UBE3B: variants seen among roughly 807,000 people sequenced by gnomAD.
The protein encoded by UBE3B is ubiquitin-protein ligase E3B.
Under a neutral mutation model 132.3 loss-of-function variants are expected in UBE3B, and 80 were observed. That is an observed-to-expected ratio of 0.60 (90% CI 0.50 to 0.73). The LOEUF (loss-of-function observed/expected upper bound fraction) is 0.73, where lower values mean the gene tolerates loss of function less well. Among genes scored for constraint, UBE3B ranks in the 30% least tolerant of loss-of-function variants. UBE3B has a pLI of 0.00. For missense variants in UBE3B, 1,196 were observed against 1,362.5 expected, an observed-to-expected ratio of 0.88 and a Z score of 1.92; for synonymous variants, 487 against 520.4, an observed-to-expected ratio of 0.94 and a Z score of 0.87.
At chr12:109,511,541 C>T (rs1433070177) in intron 18 of UBE3B, among the ~76,000 whole-genome samples, 1 of 152,020 alleles carries the variant, frequency 6.6e-6, no homozygotes, top group Non-Finnish European at 1.5e-5. Flanking sequence ...GGAGACCTGA[C>T]CAGCTGGAGG....
At chr12:109,516,060 T>C (rs1457695641) in intron 18 of UBE3B, among the ~76,000 whole-genome samples, 1 of 152,150 alleles carries the variant, frequency 6.6e-6, no homozygotes. Context: ...TGATTTCCCT[T>C]AAAGCAGGCA....
At position 109,534,754 on chromosome 12, in the gene UBE3B, G is replaced by C; in HGVS notation, c.3179G>C (p.Ser1060Thr). Residue 1060 changes from serine to threonine, a missense_variant, in exon 28 of 28, where the codon AGC becomes ACC. Ser to Thr is a moderately conservative substitution (Grantham distance 58). Coordinates refer to ENST00000342494, the MANE Select transcript of UBE3B (RefSeq NM_130466.4). The surrounding 1 kb of genome is among the most constrained non-coding windows in gnomAD (Gnocchi z 5.2). ...VLREKLRYAISMNTGFELS is the reference protein window; with the variant it reads ...VLREKLRYAITMNTGFELS Reference sequence around the variant, plus strand: ...CGCGAGAAGCTGCGCTACGCCATCAGCATGAACACGGGCTTTGAACTCTCC... The same window carrying C: ...CGCGAGAAGCTGCGCTACGCCATCACCATGAACACGGGCTTTGAACTCTCC... 1 of 1,575,158 alleles carries C rather than the reference G, an allele frequency of 6.3e-7. No homozygotes were observed. The highest frequency in any genetic ancestry group is 2.3e-5 in the East Asian group (1 of 43,666).
Position 109,523,971 on chromosome 12 carries a change from C to T in UBE3B, c.2365-7C>T. The stretch of plus-strand genomic sequence containing the variant: ...TGATGGACAGCTCTGCTTCTCTGCT[C>T]TCCCAGGGAATTGTGGTGGACGTGC... On this transcript the variant is annotated splice_polypyrimidine_tract_variant and splice_region_variant and intron_variant, in intron 21 of 27. Transcript: ENST00000342494. 6.2e-7 allele frequency: 1 copy of T among 1,613,762 alleles called. No homozygotes were observed. Among genetic ancestry groups the T allele is most frequent in the Non-Finnish European group, 8.5e-7 (1 of 1,179,998 alleles).
chr12:109,505,258 A>G (rs994635022), intron 14 of UBE3B, among the ~76,000 whole-genome samples: 10 of 152,340 alleles, frequency 6.6e-5, no homozygotes, highest in African/African-American at 2.4e-4. Context: ...CAACTTAGGA[A>G]GTGTCTGTTT....
At chr12:109,490,943 A>C (rs1877370984) in intron 8 of UBE3B, 102 bp from the exon 9 acceptor site, 1 of 1,296,012 alleles carries the variant, frequency 7.7e-7, no homozygotes, top group Admixed American at 2.2e-5. Context: ...CTCACAATAC[A>C]GTTTTTTTAT....
At chr12:109,531,591 C>T (rs1468072420) in intron 26 of UBE3B, among the ~76,000 whole-genome samples, 2 of 152,152 alleles carry the variant, frequency 1.3e-5, no homozygotes, top group Non-Finnish European at 2.9e-5. Flanking sequence ...ATTAAAATGA[C>T]AGCTGGTTTC....
chr12:109,480,471 C>T lies in UBE3B; in HGVS notation c.-127-1166C>T, dbSNP rs145048182. On this transcript the variant is annotated intron_variant, in intron 1 of 27. Transcript: ENST00000342494. ...GAGACCACCAACCTGGGCAATATAG[C>T]GAGACCCCACCTCTACAAAAAATTT... 4.0e-3 allele frequency among the ~76,000 whole-genome samples: 607 copies of T among 152,054 alleles called. 3 individuals are homozygous for T. Among genetic ancestry groups the T allele is most frequent in the African/African-American group, 7.6e-3 (314 of 41,466 alleles).
At position 109,499,618 on chromosome 12, in the gene UBE3B, C is replaced by A; in HGVS notation, c.941-15C>A. Reference sequence around the variant, plus strand: ...TTTGTCTGGGCCCATCACACTCAGCCTTCTCTCTCTGTAGGCAACCTCCTA... The same window carrying A: ...TTTGTCTGGGCCCATCACACTCAGCATTCTCTCTCTGTAGGCAACCTCCTA... On this transcript the variant is annotated splice_polypyrimidine_tract_variant and intron_variant, in intron 11 of 27. Transcript: ENST00000342494. 1 of 1,576,120 alleles carries A rather than the reference C, an allele frequency of 6.3e-7. No individual in the cohort carries two copies. The highest frequency in any genetic ancestry group is 8.6e-7 in the Non-Finnish European group (1 of 1,159,514).
At chr12:109,510,116 G>A (rs746130124) in intron 16 of UBE3B, among the ~76,000 whole-genome samples, 117 of 152,160 alleles carry the variant, frequency 7.7e-4, no homozygotes, top group Non-Finnish European at 1.5e-3. Context: ...AGGCCCTTCG[G>A]ATGACACACT....
rs1650449605 is a variant in UBE3B, at chr12:109,498,291, A to C, written c.878A>C (p.Asp293Ala). Reference sequence around the variant, plus strand: ...CGTAAATTCATCATATTTTTAAGAGACCAAGATCGATGCCGTGATGTATGT... The same window carrying C: ...CGTAAATTCATCATATTTTTAAGAGCCCAAGATCGATGCCGTGATGTATGT... ...MLRKFIIFLR[D>A]QDRCRDVCES... is the part of the protein sequence containing the mutation. Residue 293 changes from aspartate (D) to alanine (A), a missense_variant, in exon 11 of 28, where the codon GAC becomes GCC. Asp to Ala is a moderately radical substitution (Grantham distance 126). Coordinates refer to ENST00000342494, the MANE Select transcript of UBE3B (RefSeq NM_130466.4). 6.2e-7 allele frequency: 1 copy of C among 1,614,106 alleles called. No individual in the cohort carries two copies.
the UBE3B span, among the ~76,000 whole-genome samples, chr12:109,545,554 G>A: frequency 6.6e-6 from 1 of 152,174 alleles, no homozygotes; most frequent in African/African-American, 2.4e-5. Flanking sequence ...CATGCCCAAG[G>A]CCCCAGAGTC....
chr12:109,512,717 T>C (rs905350618), intron 18 of UBE3B, among the ~76,000 whole-genome samples: 2 of 152,230 alleles, frequency 1.3e-5, no homozygotes, highest in African/African-American at 4.8e-5. Flanking sequence ...TTAATACTTA[T>C]GGTTGCTATT....
chr12:109,485,800 G>C (rs555815625), intron 4 of UBE3B, among the ~76,000 whole-genome samples: 1 of 152,268 alleles, frequency 6.6e-6, no homozygotes, highest in South Asian at 2.1e-4. Context: ...TTTCTATAGG[G>C]TTCCTCCAGC....
At chr12:109,484,091 C>T (rs1044976875) in intron 4 of UBE3B, 110 bp downstream of exon 4, 6 of 1,168,740 alleles carry the variant, frequency 5.1e-6, no homozygotes, top group Admixed American at 2.8e-5. Flanking sequence ...TACTGTCACC[C>T]TCACATCCTG....
intron 3 of UBE3B, 48 bp downstream of exon 3, chr12:109,483,760 A>G: frequency 6.3e-7 from 1 of 1,575,926 alleles, no homozygotes; most frequent in Non-Finnish European, 8.6e-7. Context: ...CTCCCAATTA[A>G]TAGCAGATAA....
chr12:109,486,661 C>T, intron 6 of UBE3B, 86 bp downstream of exon 6: 1 of 1,101,874 alleles, frequency 9.1e-7, no homozygotes, highest in South Asian at 1.6e-5. Flanking sequence ...TCTGTATTTT[C>T]AGAGTCACTA....
Position 109,521,147 on chromosome 12 carries a change from G to A in UBE3B, c.2077-1G>A. 1 of 1,614,082 alleles carries A rather than the reference G, an allele frequency of 6.2e-7. No homozygotes were observed. On this transcript the variant is annotated splice_acceptor_variant, in intron 19 of 27. Transcript: ENST00000342494. LOFTEE classifies it high-confidence loss of function. This position sits in a 1 kb window ranked among gnomAD's most constrained non-coding sequence, Gnocchi z 4.2. ...ATGGGCTGTAATTCTGCTCTTGGCAGGACGGCTACGAGCAGCTTAGGCAGC... is the reference window on the plus strand; with the variant it reads ...ATGGGCTGTAATTCTGCTCTTGGCAAGACGGCTACGAGCAGCTTAGGCAGC...
At position 109,521,418 on chromosome 12, in the gene UBE3B, C is replaced by T; in HGVS notation, c.2254-23C>T. On this transcript the variant is annotated intron_variant, in intron 20 of 27. Coordinates refer to ENST00000342494, the MANE Select transcript of UBE3B (RefSeq NM_130466.4). This position sits in a 1 kb window ranked among gnomAD's most constrained non-coding sequence, Gnocchi z 4.2. ...CTTGCAAGGCACTTGACCTCTGCCT[C>T]TCCCCGTCTTTTTGCCTTGCAGACA... 6.3e-7 allele frequency: 1 copy of T among 1,581,626 alleles called. No individual in the cohort carries two copies. Among genetic ancestry groups the T allele is most frequent in the Non-Finnish European group, 8.6e-7 (1 of 1,157,646 alleles).
In UBE3B at chr12:109,532,298, T is replaced by C. The variant is rs150271374; in HGVS notation, c.2923-1168T>C. Among the ~76,000 whole-genome samples, 363 of 152,346 alleles carry C rather than the reference T, an allele frequency of 2.4e-3. 2 individuals are homozygous for C. The highest frequency in any genetic ancestry group is 7.9e-3 in the African/African-American group (327 of 41,586). Reference sequence around the variant, plus strand: ...CATTCAGGGAATGCTCGTCACAGTGTGGAAACACAAAAATGCTTCCTGCAT... The same window carrying C: ...CATTCAGGGAATGCTCGTCACAGTGCGGAAACACAAAAATGCTTCCTGCAT... On this transcript the variant is annotated intron_variant, in intron 26 of 27. Coordinates refer to ENST00000342494, the MANE Select transcript of UBE3B (RefSeq NM_130466.4).
Sources: allele counts gnomAD v4.1 joint callset (sites outside exome capture counted in the v4.1 genomes callset), GRCh38; gene constraint gnomAD v4.1.1; non-coding constraint Gnocchi (gnomAD v3.1); transcripts MANE v1.5; gene names NCBI Gene and HGNC (gene_info 2026-07-23, HGNC 2026-07-21).